The following GPX4 variants were observed in gnomAD, a reference collection of about 807,000 sequenced individuals.
The protein encoded by GPX4 is phospholipid hydroperoxide glutathione peroxidase GPX4.
A neutral mutation model predicts 27.8 loss-of-function variants in GPX4; 28 were observed. That is an observed-to-expected ratio of 1.01 (90% CI 0.75 to 1.38). The LOEUF is 1.38. Among genes scored for constraint, GPX4 ranks in the 40% most tolerant of loss-of-function variants. The pLI is 0.00. For synonymous variants in GPX4, 163 were observed against 107.8 expected (o/e 1.51, Z -3.17); for missense variants, 357 against 274.1 (o/e 1.30, Z -2.14).
chr19:1,104,101 G>T lies in GPX4; in HGVS notation c.58G>T (p.Ala20Ser), dbSNP rs1227691848. The T allele has an allele frequency of 2.0e-5, 30 of 1,506,156 alleles. No homozygotes were observed. Among genetic ancestry groups the T allele is most frequent in the Non-Finnish European group, 2.6e-5 (29 of 1,134,476 alleles). The allele number at this position is 1,506,156 out of a possible 1,614,324, so 93.3% of individuals were successfully genotyped here. ...LKPALLCGALAAPGLAGTMCA... is the reference protein window; with the variant it reads ...LKPALLCGALSAPGLAGTMCA... ...GCCGGCGCTGCTCTGTGGGGCTCTG[G>T]CCGCGCCTGGCCTGGCCGGGACCAT... Residue 20 changes from alanine (A) to serine (S), a missense_variant, in exon 1 of 7, where the codon GCC becomes TCC. Coordinates refer to ENST00000354171, the MANE Select transcript of GPX4 (RefSeq NM_002085.5).
Position 1,106,254 on chromosome 19 carries a change from G to T in GPX4, c.489G>T (p.Trp163Cys). ...GCTTCTTTTCCAGTGCCATCAAGTG[G>T]AACTTCACCAAGGTAAGGGGGCTGT... ...GKGILGNAIKWNFTKFLIDKN... is the reference protein window; with the variant it reads ...GKGILGNAIKCNFTKFLIDKN... The change falls in exon 5 of 7, where the codon TGG becomes TGT. Residue 163 changes from tryptophan (W) to cysteine (C), a missense_variant. Transcript: ENST00000354171. 1 of 1,603,144 alleles carries T rather than the reference G, an allele frequency of 6.2e-7. No individual in the cohort carries two copies. Among genetic ancestry groups the T allele is most frequent in the Non-Finnish European group, 8.5e-7 (1 of 1,173,112 alleles).
At chr19:1,104,961 G>T in intron 1 of GPX4, 1 of 1,481,812 alleles carries the variant, frequency 6.7e-7, no homozygotes, top group East Asian at 2.4e-5. Flanking sequence ...CGGCTAATGT[G>T]GCACATTTTG....
At position 1,106,533 on chromosome 19, in the gene GPX4, C is replaced by G. The variant is rs199948868; in HGVS notation, c.562-7C>G. On this transcript the variant is annotated splice_polypyrimidine_tract_variant and splice_region_variant and intron_variant, in intron 6 of 6. Coordinates refer to ENST00000354171, the MANE Select transcript of GPX4 (RefSeq NM_002085.5). ...AGCTGCCCTAACCCAGCTTTCCTCC[C>G]CGACAGGTGATAGAGAAGGACCTGC... The G allele has an allele frequency of 1.3e-3, 2,076 of 1,613,296 alleles. 15 individuals are homozygous for G. Among genetic ancestry groups the G allele is most frequent in the Non-Finnish European group, 6.2e-4 (732 of 1,179,750 alleles).
intron 6 of GPX4, 31 bp downstream of exon 6, chr19:1,106,490 C>G (rs751452053): frequency 6.2e-7 from 1 of 1,611,838 alleles, no homozygotes; most frequent in Non-Finnish European, 8.5e-7. Context: ...CCGCTTGAGG[C>G]TCGGGGGCTT....
At position 1,105,483 on chromosome 19, in the gene GPX4, C is replaced by T. The variant is rs778748373; in HGVS notation, c.297C>T (p.Ala99=). The change falls in exon 3 of 7, where the codon GCC becomes GCT. Residue 99 remains alanine (A), a synonymous_variant. Coordinates refer to ENST00000354171, the MANE Select transcript of GPX4 (RefSeq NM_002085.5). ...RYAECGLRIL[A]FPCNQFGKQE... is the part of the protein sequence containing the mutation. ...CTGAGTGTGGTTTGCGGATCCTGGCCTTCCCGTGTAACCAGTTCGGGAAGC... is the reference window on the plus strand; with the variant it reads ...CTGAGTGTGGTTTGCGGATCCTGGCTTTCCCGTGTAACCAGTTCGGGAAGC... 1 of 1,611,312 alleles carries T rather than the reference C, an allele frequency of 6.2e-7. No individual in the cohort carries two copies. The highest frequency in any genetic ancestry group is 2.2e-5 in the East Asian group (1 of 44,808).
Position 1,106,458 on chromosome 19 carries a change from TGGTA to T in GPX4, c.561+3_561+6del. On this transcript the variant is annotated splice_donor_variant and splice_donor_region_variant and coding_sequence_variant and intron_variant, in exon 6 of 7. Transcript: ENST00000354171. LOFTEE classifies it high-confidence loss of function. Reference sequence around the variant, plus strand: ...CGCTACGGACCCATGGAGGAGCCCCTGGTAGGTCCTCTCTAGGGAGCCCGCTTGA... The same window carrying T: ...CGCTACGGACCCATGGAGGAGCCCCTGGTCCTCTCTAGGGAGCCCGCTTGA... 6.2e-7 allele frequency: 1 copy of T among 1,612,948 alleles called. No individual in the cohort carries two copies. The highest frequency in any genetic ancestry group is 8.5e-7 in the Non-Finnish European group (1 of 1,179,592).
chr19:1,105,819 C>G lies in GPX4; in HGVS notation c.476+10C>G. On this transcript the variant is annotated intron_variant, in intron 4 of 6. Coordinates refer to ENST00000354171, the MANE Select transcript of GPX4 (RefSeq NM_002085.5). The stretch of plus-strand genomic sequence containing the variant: ...AGGGCATCCTGGGAAAGTGCGTGAC[C>G]TCTGGGGACAGTACGGCTGCTGGGG... 8.3e-7 allele frequency: 1 copy of G among 1,200,374 alleles called. No individual in the cohort carries two copies. Among genetic ancestry groups the G allele is most frequent in the South Asian group, 1.3e-5 (1 of 78,036 alleles). The allele number at this position is 1,200,374 out of a possible 1,614,324, so 74.4% of individuals were successfully genotyped here.
At chr19:1,104,220 C>A in intron 1 of GPX4, 93 bp downstream of exon 1, 1 of 1,126,298 alleles carries the variant, frequency 8.9e-7, no homozygotes, top group South Asian at 2.0e-5. Context: ...AACCCTCAGG[C>A]TCCAGTGACC....
intron 1 of GPX4, chr19:1,104,976 T>C: frequency 6.8e-7 from 1 of 1,478,400 alleles, no homozygotes. Flanking sequence ...ATTTTGGGGT[T>C]GGAACCCTCT....
Position 1,106,688 on chromosome 19 carries a change from T to G in GPX4, c.*116T>G. 7.1e-7 allele frequency: 1 copy of G among 1,406,714 alleles called. No homozygotes were observed. The highest frequency in any genetic ancestry group is 1.4e-5 in the African/African-American group (1 of 70,070). The allele number at this position is 1,406,714 out of a possible 1,614,324, so 87.1% of individuals were successfully genotyped here. On this transcript the variant is annotated 3_prime_UTR_variant, in exon 7 of 7. Coordinates refer to ENST00000354171, the MANE Select transcript of GPX4 (RefSeq NM_002085.5). ...GTGGGGCAGACCCGAAAATCCAGCG[T>G]GCACCCCGCCGGAGGAAGGTCCCAT...
chr19:1,104,158 G>C, intron 1 of GPX4, 31 bp downstream of exon 1: 5 of 1,427,126 alleles, frequency 3.5e-6, no homozygotes, highest in Non-Finnish European at 4.6e-6. Context: ...TTGCCGGCCC[G>C]GTGACCGTTG....
Position 1,104,065 on chromosome 19 carries a change from C to A in GPX4, c.22C>A (p.Arg8Ser), listed in dbSNP as rs747381755. 1.3e-4 allele frequency: 205 copies of A among 1,519,472 alleles called. No homozygotes were observed. The highest frequency in any genetic ancestry group is 6.9e-4 in the Middle Eastern group (3 of 4,348). 94.1% of individuals were successfully genotyped at this position (1,519,472 alleles called of 1,614,324 possible). A position where few individuals can be genotyped will look rare whatever the true frequency, so the allele number is the denominator to read the frequency against. MSLGRLC[R>S]LLKPALLCGA... Reference sequence around the variant, plus strand: ...CGCGATGAGCCTCGGCCGCCTTTGCCGCCTACTGAAGCCGGCGCTGCTCTG... The same window carrying A: ...CGCGATGAGCCTCGGCCGCCTTTGCAGCCTACTGAAGCCGGCGCTGCTCTG... The change falls in exon 1 of 7, where the codon CGC (arginine) becomes AGC (serine). Residue 8 changes from arginine (R) to serine (S), a missense_variant. By Grantham distance (110) the Arg-to-Ser change is moderately radical (BLOSUM62 -1). Coordinates refer to ENST00000354171, the MANE Select transcript of GPX4 (RefSeq NM_002085.5).
intron 1 of GPX4, chr19:1,104,953 G>A: frequency 6.8e-7 from 1 of 1,480,278 alleles, no homozygotes; most frequent in Admixed American, 2.4e-5. Flanking sequence ...CCCCACACCG[G>A]CTAATGTGGC....
intron 4 of GPX4, 156 bp downstream of exon 4, chr19:1,105,965 T>A: frequency 1.2e-6 from 1 of 855,410 alleles, no homozygotes; most frequent in South Asian, 1.7e-5. Context: ...GGGGGTAAGA[T>A]GGCTCAGGGG....
chr19:1,105,931 G>C (rs1194089064), intron 4 of GPX4, 122 bp downstream of exon 4: 1 of 1,230,344 alleles, frequency 8.1e-7, no homozygotes, highest in African/African-American at 1.5e-5. Context: ...GAGGTGCTGG[G>C]ACTCTCACAT....
chr19:1,104,135 A>T lies in GPX4; in HGVS notation c.84+8A>T. On this transcript the variant is annotated splice_region_variant and intron_variant, in intron 1 of 6. Transcript: ENST00000354171. ...GGCCTGGCCGGGACCATGGTGAGCT[A>T]GCGCCGCGGCCGTTGCCGGCCCGGT... 6.9e-7 allele frequency: 1 copy of T among 1,457,420 alleles called. No individual in the cohort carries two copies. The highest frequency in any genetic ancestry group is 1.3e-5 in the South Asian group (1 of 74,862). The allele number at this position is 1,457,420 out of a possible 1,614,324, so 90.3% of individuals were successfully genotyped here.
At position 1,106,522 on chromosome 19, in the gene GPX4, A is replaced by G. The variant is rs949906723; in HGVS notation, c.562-18A>G. 6.2e-7 allele frequency: 1 copy of G among 1,612,348 alleles called. No homozygotes were observed. The highest frequency in any genetic ancestry group is 8.5e-7 in the Non-Finnish European group (1 of 1,179,096). ...GCTTGGGAGGTAGCTGCCCTAACCCAGCTTTCCTCCCCGACAGGTGATAGA... is the reference window on the plus strand; with the variant it reads ...GCTTGGGAGGTAGCTGCCCTAACCCGGCTTTCCTCCCCGACAGGTGATAGA... On this transcript the variant is annotated intron_variant, in intron 6 of 6. Coordinates refer to ENST00000354171, the MANE Select transcript of GPX4 (RefSeq NM_002085.5).
chr19:1,106,458 T>A lies in GPX4; in HGVS notation c.560T>A (p.Leu187Gln). 1 of 1,612,948 alleles carries A rather than the reference T, an allele frequency of 6.2e-7. No homozygotes were observed. The highest frequency in any genetic ancestry group is 8.5e-7 in the Non-Finnish European group (1 of 1,179,592). Residue 187 changes from leucine (L) to glutamine (Q), a missense_variant and splice_region_variant, in exon 6 of 7, where the codon CTG becomes CAG. Coordinates refer to ENST00000354171, the MANE Select transcript of GPX4 (RefSeq NM_002085.5). Reference protein sequence around the residue: ...VKRYGPMEEPLVIEKDLPHYF With the variant: ...VKRYGPMEEPQVIEKDLPHYF ...CGCTACGGACCCATGGAGGAGCCCC[T>A]GGTAGGTCCTCTCTAGGGAGCCCGC...
intron 1 of GPX4, chr19:1,104,636 C>T: frequency 2.0e-6 from 2 of 985,526 alleles, no homozygotes; most frequent in Non-Finnish European, 2.4e-6. Context: ...AGCGCGGTGG[C>T]GTCACAGTCG....
Sources: allele counts gnomAD v4.1 joint callset, GRCh38; gene constraint gnomAD v4.1.1; transcripts MANE v1.5; gene names NCBI Gene and HGNC (gene_info 2026-07-23, HGNC 2026-07-21).